The following PTCHD1 variants were observed in gnomAD, a reference collection of about 807,000 sequenced individuals.
PTCHD1 encodes the protein patched domain-containing protein 1.
A neutral mutation model predicts 34.6 loss-of-function variants in PTCHD1; 3 were observed. The observed-to-expected ratio is 0.09, with a 90% CI of 0.04 to 0.22. The LOEUF (loss-of-function observed/expected upper bound fraction) is 0.22, where lower values mean the gene tolerates loss of function less well. PTCHD1 is among the 10% of genes least tolerant of loss of function. PTCHD1 has a pLI of 1.00. For synonymous variants in PTCHD1, 305 were observed against 283.1 expected, an observed-to-expected ratio of 1.08 and a Z score of -0.77; for missense variants, 504 against 685.5, an observed-to-expected ratio of 0.74 and a Z score of 2.96.
rs769964254 is a variant in PTCHD1, at chrX:23,387,735, CTCTCTT to C, written c.1013-4788_1013-4783del. 1.4e-3 allele frequency among the ~76,000 whole-genome samples: 153 copies of C among 111,880 alleles called. 1 individual carries two copies. Among genetic ancestry groups the C allele is most frequent in the African/African-American group, 4.3e-3 (131 of 30,804 alleles). The stretch of plus-strand genomic sequence containing the variant: ...TTGGCGCTCCCTTCAATCTCTCTCT[CTCTCTT>C]TCTCTTTATGTGTGTGTGTATGTGT... On this transcript the variant is annotated intron_variant, in intron 2 of 2. Transcript: ENST00000379361.
intron 1 of PTCHD1, among the ~76,000 whole-genome samples, chrX:23,363,848 T>G (rs1297683695): frequency 8.9e-6 from 1 of 112,573 alleles, no homozygotes; most frequent in East Asian, 2.8e-4. Flanking sequence ...CATACCACTA[T>G]GTACACCTGA....
intron 1 of PTCHD1, among the ~76,000 whole-genome samples, chrX:23,375,437 A>C (rs149549842): frequency 0.043 from 4,757 of 111,078 alleles, 179 homozygotes; most frequent in East Asian, 0.14. Flanking sequence ...TAACAGGCGC[A>C]CACACCACCA....
intron 1 of PTCHD1, among the ~76,000 whole-genome samples, chrX:23,371,099 A>C (rs185241258): frequency 8.9e-6 from 1 of 111,935 alleles, no homozygotes; most frequent in Non-Finnish European, 1.9e-5. Flanking sequence ...AACCTATAGA[A>C]ATGGCAATTT....
intron 1 of PTCHD1, among the ~76,000 whole-genome samples, chrX:23,377,719 G>A (rs888762166): frequency 7.2e-5 from 8 of 110,711 alleles, no homozygotes; most frequent in Non-Finnish European, 1.1e-4. Flanking sequence ...GAGATGGGGG[G>A]CAAGGGGCCA....
rs1227795216 is a variant in PTCHD1 at position 23,384,382 on chromosome X, C to A, written c.1012+4131C>A. 3.6e-5 allele frequency among the ~76,000 whole-genome samples: 4 copies of A among 111,990 alleles called. No homozygotes were observed. In the East Asian group the frequency reaches 1.1e-3, roughly 31 times the overall value. The stretch of plus-strand genomic sequence containing the variant: ...TTCTCTTCCTTTTGAATTATCCAAC[C>A]AGGCCACTCAGATTCAAGGACGTGA... On this transcript the variant is annotated intron_variant, in intron 2 of 2. Coordinates refer to ENST00000379361, the MANE Select transcript of PTCHD1 (RefSeq NM_173495.3).
chrX:23,369,207 T>A (rs1398278054), intron 1 of PTCHD1, among the ~76,000 whole-genome samples: 2 of 111,992 alleles, frequency 1.8e-5, no homozygotes, highest in East Asian at 5.6e-4. Flanking sequence ...GTGGCTTCTT[T>A]CTGAGGTTTC....
rs186548797 is a variant in PTCHD1 at position 23,348,527 on chromosome X, G to A, written c.351+13301G>A. Among the ~76,000 whole-genome samples the A allele has an allele frequency of 3.2e-3, 356 of 111,292 alleles. 1 individual carries two copies. Among genetic ancestry groups the A allele is most frequent in the Non-Finnish European group, 5.0e-3 (263 of 52,969 alleles). On this transcript the variant is annotated intron_variant, in intron 1 of 2. Coordinates refer to ENST00000379361, the MANE Select transcript of PTCHD1 (RefSeq NM_173495.3). ...CAAACTACAGAAAACCAAAGACAAA[G>A]AGGAAATCTTGAAAGAAGCCAGGGT...
At chrX:23,363,960 A>G (rs1023013015) in intron 1 of PTCHD1, among the ~76,000 whole-genome samples, 1 of 112,655 alleles carries the variant, frequency 8.9e-6, no homozygotes, top group Non-Finnish European at 1.9e-5. Context: ...AGGTCCACCA[A>G]CAGGAGAATG....
rs775098402 is a variant in PTCHD1 at position 23,360,860 on chromosome X, A to G, written c.352-18731A>G. ...TCTGGTTTGTTGTGTCTTTGTTCTC[A>G]TTGGTTTCAAAGAACATCTTTATTT... On this transcript the variant is annotated intron_variant, in intron 1 of 2. Transcript: ENST00000379361. Among the ~76,000 whole-genome samples, 3 of 112,029 alleles carry G rather than the reference A, an allele frequency of 2.7e-5. No homozygotes were observed. In the Admixed American group the frequency reaches 2.8e-4, roughly 11 times the overall value.
chrX:23,367,047 C>G (rs1922163539), intron 1 of PTCHD1, among the ~76,000 whole-genome samples: 1 of 111,285 alleles, frequency 9.0e-6, no homozygotes, highest in African/African-American at 3.3e-5. Context: ...CACTGTAACA[C>G]TCACTGGACT....
At chrX:23,360,086 T>C (rs1601907935) in intron 1 of PTCHD1, among the ~76,000 whole-genome samples, 1 of 112,281 alleles carries the variant, frequency 8.9e-6, no homozygotes, top group African/African-American at 3.2e-5. Context: ...TCGATGTTCA[T>C]CAGGGATATT....
chrX:23,363,486 G>T (rs1481745075), intron 1 of PTCHD1, among the ~76,000 whole-genome samples: 1 of 113,106 alleles, frequency 8.8e-6, no homozygotes, highest in Non-Finnish European at 1.9e-5. Context: ...CTCCTGGTGT[G>T]CCATTTGCTA....
At chrX:23,356,511 C>T (rs1320767555) in intron 1 of PTCHD1, among the ~76,000 whole-genome samples, 2 of 111,704 alleles carry the variant, frequency 1.8e-5, no homozygotes, top group African/African-American at 3.3e-5. Context: ...AGAAACAGCC[C>T]CAGTTTCTTA....
intron 1 of PTCHD1, among the ~76,000 whole-genome samples, chrX:23,349,077 G>A (rs1921556088): frequency 9.0e-6 from 1 of 111,441 alleles, no homozygotes; most frequent in Non-Finnish European, 1.9e-5. Flanking sequence ...ATTGTTTAAA[G>A]GTGAACTTAA....
intron 2 of PTCHD1, among the ~76,000 whole-genome samples, chrX:23,389,299 A>G (rs772618835): frequency 1.8e-5 from 2 of 111,560 alleles, no homozygotes; most frequent in Non-Finnish European, 3.8e-5. Context: ...GGCCTTTCCT[A>G]TAGGATAACA....
Position 23,380,109 on chromosome X carries a change from G to T in PTCHD1, c.870G>T (p.Gln290His), listed in dbSNP as rs1304059106. The stretch of plus-strand genomic sequence containing the variant: ...TGGCCATCCTGTGTTGCTCTATGCA[G>T]GACTGCGTCCGCAGCAAACCCTGGC... ...VTMAILCCSM[Q>H]DCVRSKPWLG... Residue 290 changes from glutamine to histidine, a missense_variant, in exon 2 of 3, where the codon CAG (glutamine) becomes CAT (histidine). Physicochemically the swap from Gln to His is conservative, Grantham distance 24. Transcript: ENST00000379361. 8.3e-7 allele frequency: 1 copy of T among 1,211,997 alleles called. No individual in the cohort carries two copies. The highest frequency in any genetic ancestry group is 2.2e-5 in the Admixed American group (1 of 46,100).
At chrX:23,379,161 A>G (rs968402752) in intron 1 of PTCHD1, among the ~76,000 whole-genome samples, 9 of 112,657 alleles carry the variant, frequency 8.0e-5, no homozygotes, top group African/African-American at 2.6e-4. Context: ...GACACTGAAC[A>G]GGGGACCTAT....
chrX:23,377,898 C>G (rs1922454688), intron 1 of PTCHD1, among the ~76,000 whole-genome samples: 1 of 111,641 alleles, frequency 9.0e-6, no homozygotes, highest in Admixed American at 9.5e-5. Context: ...GAAAATATAT[C>G]AGGATCATGG....
intron 2 of PTCHD1, among the ~76,000 whole-genome samples, chrX:23,380,591 T>C (rs1922536976): frequency 9.0e-6 from 1 of 110,986 alleles, no homozygotes; most frequent in African/African-American, 3.3e-5. Flanking sequence ...ACAAGTAGTG[T>C]ATTTGGGAGG....
Sources: gnomAD v4.1 joint callset for allele counts (sites outside exome capture counted in the v4.1 genomes callset) on GRCh38, gnomAD v4.1.1 for gene constraint, MANE v1.5 for transcripts, NCBI Gene and HGNC (gene_info 2026-07-23, HGNC 2026-07-21) for gene names.